Variants in TNR observed in about 807,000 individuals in gnomAD.
The protein encoded by TNR is tenascin R.
A neutral mutation model predicts 150.4 loss-of-function variants in TNR; 45 were observed. The ratio of observed to expected loss-of-function variants is 0.30; its 90% CI spans 0.24 to 0.38. The LOEUF (loss-of-function observed/expected upper bound fraction) is 0.38. Ranked by LOEUF, TNR falls within the 10% of genes least tolerant of loss-of-function variation. The probability of loss-of-function intolerance (pLI) is 1.00; values close to 1 mark genes in which losing one functional copy is unlikely to be tolerated. For synonymous variants in TNR, 687 were observed against 678.4 expected, an observed-to-expected ratio of 1.01 and a Z score of -0.20; for missense variants, 1,544 against 1,759.1, an observed-to-expected ratio of 0.88 and a Z score of 2.19.
intron 7 of TNR, among the ~76,000 whole-genome samples, chr1:175,388,508 C>T (rs950523711): frequency 2.0e-5 from 3 of 152,088 alleles, no homozygotes; most frequent in African/African-American, 7.2e-5. Flanking sequence ...GTAGGTCAGA[C>T]CTTAGCAGAA....
rs145466612 is a variant in TNR, at chr1:175,419,644, G to C, written c.-63-12867C>G. Among the ~76,000 whole-genome samples the C allele has an allele frequency of 6.5e-3, 996 of 152,146 alleles. 10 individuals are homozygous for C. Among genetic ancestry groups the C allele is most frequent in the African/African-American group, 0.023 (948 of 41,464 alleles). Reference sequence around the variant, plus strand: ...CTGCAAGTGCCCACCACCACGCCCGGCTAATTTTTATATTTTTAGTAGAGA... The same window carrying C: ...CTGCAAGTGCCCACCACCACGCCCGCCTAATTTTTATATTTTTAGTAGAGA... On this transcript the variant is annotated intron_variant, in intron 2 of 22. Transcript: ENST00000367674.
chr1:175,500,486 A>C (rs1346866375), intron 2 of TNR, among the ~76,000 whole-genome samples: 1 of 152,206 alleles, frequency 6.6e-6, no homozygotes, highest in Non-Finnish European at 1.5e-5. Flanking sequence ...TTGACAACAA[A>C]GGATGCTGGC....
At chr1:175,367,897 C>T (rs991578100) in intron 9 of TNR, among the ~76,000 whole-genome samples, 2 of 152,086 alleles carry the variant, frequency 1.3e-5, no homozygotes, top group African/African-American at 4.8e-5. Flanking sequence ...TAATTCAGGC[C>T]TCAGGGTATC....
intron 1 of TNR, among the ~76,000 whole-genome samples, chr1:175,738,058 T>C (rs1230554764): frequency 6.6e-6 from 1 of 152,168 alleles, no homozygotes; most frequent in Non-Finnish European, 1.5e-5. Flanking sequence ...AGTCTGAATA[T>C]AGAAGATAAA....
At chr1:175,432,592 C>T (rs1234503778) in intron 2 of TNR, among the ~76,000 whole-genome samples, 1 of 151,918 alleles carries the variant, frequency 6.6e-6, no homozygotes, top group African/African-American at 2.4e-5. Context: ...CTTTCATTTT[C>T]TTTTCCTTCT....
At position 175,603,392 on chromosome 1, in the gene TNR, C is replaced by T. The variant is rs541702829; in HGVS notation, c.-164-75023G>A. ...AGGGGTCAGTAAGAATTGACAAAAACTTGAAAAGATGGCCTGAATCATTAA... is the reference window on the plus strand; with the variant it reads ...AGGGGTCAGTAAGAATTGACAAAAATTTGAAAAGATGGCCTGAATCATTAA... On this transcript the variant is annotated intron_variant, in intron 1 of 22. Transcript: ENST00000367674. 1.1e-4 allele frequency among the ~76,000 whole-genome samples: 16 copies of T among 152,370 alleles called. No individual in the cohort carries two copies. In the South Asian group the frequency reaches 3.3e-3, roughly 32 times the overall value.
In TNR at chr1:175,403,564, C is replaced by G. The variant is rs1653818996; in HGVS notation, c.552G>C (p.Glu184Asp). 2 of 1,614,046 alleles carry G rather than the reference C, an allele frequency of 1.2e-6. No homozygotes were observed. Among genetic ancestry groups the G allele is most frequent in the Non-Finnish European group, 1.7e-6 (2 of 1,180,038 alleles). The change falls in exon 4 of 23, where the codon GAG (glutamate) becomes GAC (aspartate). Residue 184 changes from glutamate to aspartate, a missense_variant. Physicochemically the swap from Glu to Asp is conservative, Grantham distance 45. This residue lies in a region of TNR where 1,254 missense variants were observed against 1,329.4 expected (regional missense o/e 0.94). Transcript: ENST00000367674. Reference sequence around the variant, plus strand: ...CTTCGTTGCAGATGCAGCCACAGGACTCAAAGCTAAAGTTGCCGTGGCCAC... The same window carrying G: ...CTTCGTTGCAGATGCAGCCACAGGAGTCAAAGCTAAAGTTGCCGTGGCCAC... ...HCSGHGNFSF[E>D]SCGCICNEGW... is the part of the protein sequence containing the mutation.
Position 175,356,395 on chromosome 1 carries a change from G to T in TNR, c.3042C>A (p.Ser1014Arg), listed in dbSNP as rs747296225. 1 of 1,614,072 alleles carries T rather than the reference G, an allele frequency of 6.2e-7. No homozygotes were observed. The highest frequency in any genetic ancestry group is 8.5e-7 in the Non-Finnish European group (1 of 1,179,964). Reference sequence around the variant, plus strand: ...CATACATGGTGGCAGTATAGTGGGTGCTAGGAAGCAGGTCAACAAGCCGAA... The same window carrying T: ...CATACATGGTGGCAGTATAGTGGGTTCTAGGAAGCAGGTCAACAAGCCGAA... ...EEFRLVDLLP[S>R]THYTATMYAT... Residue 1014 changes from serine to arginine, a missense_variant, in exon 16 of 23, where the codon AGC becomes AGA. By Grantham distance (110) the Ser-to-Arg change is moderately radical (BLOSUM62 -1). Transcript: ENST00000367674.
intron 1 of TNR, among the ~76,000 whole-genome samples, chr1:175,571,773 T>A (rs1661881364): frequency 6.6e-6 from 1 of 152,208 alleles, no homozygotes; most frequent in African/African-American, 2.4e-5. Flanking sequence ...AGATTCATAC[T>A]TGGGTTGAAA....
chr1:175,367,029 C>T (rs998139969), intron 10 of TNR, among the ~76,000 whole-genome samples, 179 bp downstream of exon 10: 4 of 152,330 alleles, frequency 2.6e-5, no homozygotes, highest in Admixed American at 2.0e-4. Flanking sequence ...TCTGTCCTGC[C>T]TGTCAGAGAT....
chr1:175,394,961 A>G (rs1255292250), intron 5 of TNR, among the ~76,000 whole-genome samples: 1 of 152,160 alleles, frequency 6.6e-6, no homozygotes, highest in African/African-American at 2.4e-5. Context: ...GTGGTGACTC[A>G]TCCCGGAGCA....
Position 175,337,696 on chromosome 1 carries a change from C to T in TNR, c.3383-17G>A, listed in dbSNP as rs776879381. 3 of 1,613,398 alleles carry T rather than the reference C, an allele frequency of 1.9e-6. No homozygotes were observed. Among genetic ancestry groups the T allele is most frequent in the Admixed American group, 1.7e-5 (1 of 59,966 alleles). ...CCCGGCCTCCTGCAAGGAAAATAGA[C>T]AATGTCCAGAAAGGATTCTTTCTCT... On this transcript the variant is annotated splice_polypyrimidine_tract_variant and intron_variant, in intron 18 of 22. Coordinates refer to ENST00000367674, the MANE Select transcript of TNR (RefSeq NM_003285.3).
intron 2 of TNR, among the ~76,000 whole-genome samples, chr1:175,487,133 T>C (rs968682930): frequency 6.6e-6 from 1 of 152,226 alleles, no homozygotes; most frequent in Non-Finnish European, 1.5e-5. Context: ...TTTAATTAGA[T>C]CCCATTTGTT....
Position 175,355,517 on chromosome 1 carries a change from C to G in TNR, c.3235G>C (p.Asp1079His). The G allele has an allele frequency of 6.2e-7, 1 of 1,613,870 alleles. No homozygotes were observed. Among genetic ancestry groups the G allele is most frequent in the Non-Finnish European group, 8.5e-7 (1 of 1,179,872 alleles). ...ENYVLTYKST[D>H]GSRKELIVDA... ...CAAAATCTCACCTTGCGGCTTCCAT[C>G]GGTGGATTTGTAGGTCAAGACATAA... Residue 1079 changes from aspartate (D) to histidine (H), a missense_variant, in exon 17 of 23, where the codon GAT (aspartate) becomes CAT (histidine). Asp to His is a moderately conservative substitution (Grantham distance 81). Around this residue, in one of 2 missense-constraint regions of TNR, gnomAD observed 290 missense variants for 429.7 expected, o/e 0.67. Transcript: ENST00000367674.
At chr1:175,529,813 C>A (rs941153226) in intron 1 of TNR, among the ~76,000 whole-genome samples, 24 of 152,308 alleles carry the variant, frequency 1.6e-4, no homozygotes, top group Admixed American at 6.5e-4. Context: ...GTGCTAACCT[C>A]ACTCTCAGAA....
chr1:175,670,374 C>T (rs1254923113), intron 1 of TNR, among the ~76,000 whole-genome samples: 1 of 152,146 alleles, frequency 6.6e-6, no homozygotes, highest in African/African-American at 2.4e-5. Context: ...CACAGCATCC[C>T]TCAGAAGAGG....
At chr1:175,553,613 A>G (rs1040357839) in intron 1 of TNR, among the ~76,000 whole-genome samples, 1 of 152,178 alleles carries the variant, frequency 6.6e-6, no homozygotes, top group African/African-American at 2.4e-5. Context: ...TTCTGTGGTA[A>G]TTAAGATGAG....
At chr1:175,540,055 A>G (rs1260288214) in intron 1 of TNR, among the ~76,000 whole-genome samples, 1 of 152,142 alleles carries the variant, frequency 6.6e-6, no homozygotes, top group Non-Finnish European at 1.5e-5. Flanking sequence ...CAAAAGAGGC[A>G]CTGACTAACA....
intron 1 of TNR, among the ~76,000 whole-genome samples, chr1:175,650,446 T>C (rs1272017036): frequency 6.6e-6 from 1 of 151,880 alleles, no homozygotes; most frequent in Non-Finnish European, 1.5e-5. Flanking sequence ...GAGTTGACCA[T>C]CTTATAACCA....
Sources: gnomAD v4.1 joint callset for allele counts (sites outside exome capture counted in the v4.1 genomes callset) on GRCh38, gnomAD v4.1.1 for gene constraint, gnomAD v4.1.1 regional missense constraint, MANE v1.5 for transcripts, NCBI Gene and HGNC (gene_info 2026-07-23, HGNC 2026-07-21) for gene names.